MAGI3: variants seen among roughly 807,000 people sequenced by gnomAD.
MAGI3 encodes the protein membrane-associated guanylate kinase, WW and PDZ domain-containing protein 3.
Under a neutral mutation model 121.8 loss-of-function variants are expected in MAGI3, and 43 were observed. The observed-to-expected ratio is 0.35, with a 90% CI of 0.28 to 0.46. The LOEUF (loss-of-function observed/expected upper bound fraction) is 0.46, where lower values mean the gene tolerates loss of function less well. Ranked by LOEUF, MAGI3 falls within the 20% of genes least tolerant of loss-of-function variation. The probability of loss-of-function intolerance (pLI) is 1.00; values close to 1 mark genes in which losing one functional copy is unlikely to be tolerated. For missense variants in MAGI3, 1,547 were observed against 1,797.3 expected (o/e 0.86, Z 2.52); for synonymous variants, 553 against 639.3 (o/e 0.86, Z 2.04).
intron 1 of MAGI3, among the ~76,000 whole-genome samples, chr1:113,520,777 CTT>C (rs966235376): frequency 6.6e-6 from 1 of 151,734 alleles, no homozygotes; most frequent in African/African-American, 2.4e-5. Flanking sequence ...TAATTTTTAT[CTT>C]TTTAGTAGAG....
At chr1:113,514,166 C>T (rs1346393719) in intron 1 of MAGI3, among the ~76,000 whole-genome samples, 1 of 152,236 alleles carries the variant, frequency 6.6e-6, no homozygotes, top group Non-Finnish European at 1.5e-5. Context: ...ACCACTTTTA[C>T]ACCATTGGTG....
At chr1:113,411,764 C>A (rs1227872949) in intron 1 of MAGI3, among the ~76,000 whole-genome samples, 6 of 149,670 alleles carry the variant, frequency 4.0e-5, no homozygotes, top group Non-Finnish European at 7.4e-5. Flanking sequence ...CAGTATAGCA[C>A]AATATAAAGC....
intron 6 of MAGI3, among the ~76,000 whole-genome samples, chr1:113,595,971 C>T (rs561789759): frequency 6.6e-5 from 10 of 152,130 alleles, no homozygotes; most frequent in African/African-American, 9.6e-5. Context: ...GTTGAGGCTG[C>T]GGTGAACCAT....
At chr1:113,604,818 G>A (rs1000346854) in intron 6 of MAGI3, among the ~76,000 whole-genome samples, 1 of 151,388 alleles carries the variant, frequency 6.6e-6, no homozygotes, top group South Asian at 2.1e-4. Context: ...TGAAGATTCA[G>A]AAGGGAGGAG....
intron 20 of MAGI3, chr1:113,682,408 CTTT>C: frequency 2.8e-6 from 4 of 1,416,698 alleles, no homozygotes; most frequent in Non-Finnish European, 3.7e-6. Context: ...TTTCAGTCTT[CTTT>C]TGACATTAAA....
intron 1 of MAGI3, among the ~76,000 whole-genome samples, chr1:113,393,259 C>A (rs905202289): frequency 3.3e-5 from 5 of 152,106 alleles, no homozygotes; most frequent in African/African-American, 1.2e-4. Flanking sequence ...TACAGTTTTG[C>A]CCTCTTGACA....
At chr1:113,529,538 TG>T (rs1232389876) in intron 1 of MAGI3, among the ~76,000 whole-genome samples, 1 of 152,118 alleles carries the variant, frequency 6.6e-6, no homozygotes, top group Non-Finnish European at 1.5e-5. Flanking sequence ...ACCATTACAC[TG>T]GGGGTTAGGT....
intron 1 of MAGI3, among the ~76,000 whole-genome samples, chr1:113,411,211 T>A (rs1651959419): frequency 6.6e-6 from 1 of 152,148 alleles, no homozygotes; most frequent in Admixed American, 6.5e-5. Flanking sequence ...CTTAGCAACT[T>A]AATCTGTTTA....
At chr1:113,626,344 G>A (rs546571395) in intron 9 of MAGI3, among the ~76,000 whole-genome samples, 1 of 152,232 alleles carries the variant, frequency 6.6e-6, no homozygotes, top group African/African-American at 2.4e-5. Context: ...TCTTTTTAAT[G>A]TATTGTCAAA....
At chr1:113,409,585 G>T (rs1304572818) in intron 1 of MAGI3, among the ~76,000 whole-genome samples, 1 of 152,116 alleles carries the variant, frequency 6.6e-6, no homozygotes. Context: ...CAGTGCTCCA[G>T]TGAGTCATGT....
rs1359523414 is a variant in MAGI3 at position 113,684,239 on chromosome 1, A to G, written c.*225A>G. 4.7e-6 allele frequency: 2 copies of G among 425,676 alleles called. No individual in the cohort carries two copies. Among genetic ancestry groups the G allele is most frequent in the Non-Finnish European group, 8.2e-6 (2 of 245,002 alleles). The allele number at this position is 425,676 out of a possible 1,614,324, so 26.4% of individuals were successfully genotyped here. A position where few individuals can be genotyped will look rare whatever the true frequency, so the allele number is the denominator to read the frequency against. On this transcript the variant is annotated 3_prime_UTR_variant, in exon 21 of 21. Coordinates refer to ENST00000307546, the MANE Select transcript of MAGI3 (RefSeq NM_001142782.2). ...GCTCTCAGGAAGGAGCTGCATCCAC[A>G]TGCTCATCTGACCCGCCCTGCTCAG...
Position 113,512,521 on chromosome 1 carries a change from T to G in MAGI3, c.317-36994T>G, listed in dbSNP as rs187618684. ...AGGGAGAGAAATAAAAATATGTTTTTGGGCATAAATTTTAAGATTTTTAAA... is the reference window on the plus strand; with the variant it reads ...AGGGAGAGAAATAAAAATATGTTTTGGGGCATAAATTTTAAGATTTTTAAA... On this transcript the variant is annotated intron_variant, in intron 1 of 20. Coordinates refer to ENST00000307546, the MANE Select transcript of MAGI3 (RefSeq NM_001142782.2). 6.0e-3 allele frequency among the ~76,000 whole-genome samples: 914 copies of G among 152,350 alleles called. 6 individuals carry two copies. Among genetic ancestry groups the G allele is most frequent in the Non-Finnish European group, 8.0e-3 (545 of 68,030 alleles).
intron 1 of MAGI3, among the ~76,000 whole-genome samples, chr1:113,539,296 G>A (rs974844220): frequency 6.6e-6 from 1 of 151,768 alleles, no homozygotes; most frequent in Non-Finnish European, 1.5e-5. Flanking sequence ...GGGAGGCTGA[G>A]GCAGGAGAAT....
chr1:113,487,103 T>C (rs542484153), intron 1 of MAGI3, among the ~76,000 whole-genome samples: 8 of 152,206 alleles, frequency 5.3e-5, no homozygotes, highest in Non-Finnish European at 1.2e-4. Context: ...TTAACAGATA[T>C]TTAAACTATT....
In MAGI3 at chr1:113,614,736, C is replaced by T. The variant is rs1650355649; in HGVS notation, c.1076+78C>T. 1.3e-5 allele frequency: 12 copies of T among 953,418 alleles called. 1 individual carries two copies. The South Asian group carries it at 1.9e-4, about 15-fold the overall frequency. 59.1% of individuals were successfully genotyped at this position (953,418 alleles called of 1,614,324 possible). ...TAGCTTTAGAGAATACTGGATACAG[C>T]ACTTTATGCTTCTGTGATCCAGCTG... On this transcript the variant is annotated intron_variant, in intron 7 of 20. Coordinates refer to ENST00000307546, the MANE Select transcript of MAGI3 (RefSeq NM_001142782.2).
At chr1:113,571,915 A>T (rs11102657) in intron 2 of MAGI3, among the ~76,000 whole-genome samples, 34,199 of 152,064 alleles carry the variant, frequency 0.22, 4,895 homozygotes, top group East Asian at 0.65. Context: ...CCCTGGCCAG[A>T]ACTTCCAATA....
intron 9 of MAGI3, among the ~76,000 whole-genome samples, chr1:113,627,657 T>G (rs1425549671): frequency 6.7e-6 from 1 of 150,066 alleles, no homozygotes; most frequent in Non-Finnish European, 1.5e-5. Flanking sequence ...TCTCTTTAGC[T>G]CTAGTAAAGC....
chr1:113,672,610 T>C lies in MAGI3; in HGVS notation c.2919-5T>C, dbSNP rs987551459. 6.2e-7 allele frequency: 1 copy of C among 1,611,884 alleles called. No individual in the cohort carries two copies. Among genetic ancestry groups the C allele is most frequent in the Non-Finnish European group, 8.5e-7 (1 of 1,179,166 alleles). ...AGAGAGTGACTTGATTTCTCTCTCT[T>C]GTAGAAGTGCCCTAGAAGGTGAAAT... On this transcript the variant is annotated splice_polypyrimidine_tract_variant and splice_region_variant and intron_variant, in intron 17 of 20. Transcript: ENST00000307546.
At chr1:113,423,751 C>T (rs1371850101) in intron 1 of MAGI3, among the ~76,000 whole-genome samples, 1 of 152,214 alleles carries the variant, frequency 6.6e-6, no homozygotes, top group African/African-American at 2.4e-5. Context: ...TTCAGGCCTT[C>T]CCTTGCTTGA....
Sources: allele counts gnomAD v4.1 joint callset (sites outside exome capture counted in the v4.1 genomes callset), GRCh38; gene constraint gnomAD v4.1.1; transcripts MANE v1.5; gene names NCBI Gene and HGNC (gene_info 2026-07-23, HGNC 2026-07-21).